The following VPS13C variants were observed in gnomAD, a reference collection of about 807,000 sequenced individuals.
VPS13C encodes the protein intermembrane lipid transfer protein VPS13C.
In VPS13C, 358 loss-of-function variants were observed where a neutral mutation model predicts 456.8. The ratio of observed to expected loss-of-function variants is 0.78; its 90% CI spans 0.72 to 0.86. VPS13C has a LOEUF of 0.86. Among genes scored for constraint, VPS13C ranks in the 40% least tolerant of loss-of-function variants. VPS13C has a pLI of 0.00. For synonymous variants in VPS13C, 1,578 were observed against 1,486.7 expected, an observed-to-expected ratio of 1.06 and a Z score of -1.41; for missense variants, 4,818 against 4,385.4, an observed-to-expected ratio of 1.10 and a Z score of -2.79.
chr15:61,863,613 T>A, intron 81 of VPS13C, 85 bp from the exon 82 acceptor site: 1 of 809,632 alleles, frequency 1.2e-6, no homozygotes. Flanking sequence ...ATTATAATAA[T>A]AGTGTTAGGA....
intron 2 of VPS13C, among the ~76,000 whole-genome samples, chr15:62,043,252 T>C (rs987374361): frequency 2.6e-5 from 4 of 152,218 alleles, no homozygotes; most frequent in Non-Finnish European, 5.9e-5. Context: ...AGATATTATA[T>C]TGTTTTATAA....
Position 61,991,674 on chromosome 15 carries a change from T to G in VPS13C, c.1482A>C (p.Glu494Asp). 6.2e-7 allele frequency: 1 copy of G among 1,611,332 alleles called. No individual in the cohort carries two copies. Among genetic ancestry groups the G allele is most frequent in the Non-Finnish European group, 8.5e-7 (1 of 1,178,756 alleles). The change falls in exon 17 of 85, where the codon GAA becomes GAC. Residue 494 changes from glutamate to aspartate, a missense_variant and splice_region_variant. This residue lies in a region of VPS13C where 4,552 missense variants were observed against 4,130.6 expected (regional missense o/e 1.10). Transcript: ENST00000644861. ...TAAGTTATTTGACTTGGAACTTACT[T>G]TCAGGAATCAATGATTCTTCGTCCT... is the stretch of plus-strand genomic sequence containing the variant. ...KKKDEESLIP[E>D]TIDDLMTPEE...
At chr15:61,958,743 AC>A (rs1241654542) in intron 36 of VPS13C, 27 bp from the exon 37 acceptor site, 13 of 1,224,592 alleles carry the variant, frequency 1.1e-5, no homozygotes, top group Non-Finnish European at 1.4e-5. Flanking sequence ...TAAAAAAAAA[AC>A]TATATTACGT....
intron 47 of VPS13C, 78 bp downstream of exon 47, chr15:61,940,569 A>C: frequency 1.4e-6 from 2 of 1,384,324 alleles, no homozygotes; most frequent in Non-Finnish European, 1.9e-6. Flanking sequence ...CTACATTCTG[A>C]TATCCACTAG....
chr15:61,932,706 G>T (rs1329644129), intron 49 of VPS13C, among the ~76,000 whole-genome samples: 1 of 152,142 alleles, frequency 6.6e-6, no homozygotes, highest in African/African-American at 2.4e-5. Flanking sequence ...ATGCAATTGG[G>T]TCAGAATGAC....
At chr15:62,046,113 G>C (rs1167902501) in intron 1 of VPS13C, among the ~76,000 whole-genome samples, 1 of 152,062 alleles carries the variant, frequency 6.6e-6, no homozygotes, top group Non-Finnish European at 1.5e-5. Context: ...TATAATAAAG[G>C]AAGAAAAGGA....
In VPS13C at chr15:62,010,469, T is replaced by C. The variant is rs771991854; in HGVS notation, c.1011+3A>G. The stretch of plus-strand genomic sequence containing the variant: ...AAGCTGGAAATATCCACATGAATCA[T>C]ACCTGAGGTTTGGTCAGTTCAATGG... On this transcript the variant is annotated splice_donor_region_variant and intron_variant, in intron 13 of 84. Coordinates refer to ENST00000644861, the MANE Select transcript of VPS13C (RefSeq NM_020821.3). 1 of 1,600,870 alleles carries C rather than the reference T, an allele frequency of 6.2e-7. No individual in the cohort carries two copies. Among genetic ancestry groups the C allele is most frequent in the Non-Finnish European group, 8.5e-7 (1 of 1,174,864 alleles).
rs750062884 is a variant in VPS13C, at chr15:61,931,118, T to C, written c.6010A>G (p.Arg2004Gly). 8.7e-6 allele frequency: 14 copies of C among 1,613,960 alleles called. No individual in the cohort carries two copies. Among genetic ancestry groups the C allele is most frequent in the Non-Finnish European group, 1.2e-5 (14 of 1,179,874 alleles). ...GATGTTGCTCTCTCAATTCCTTCTCTGAGATCATCAAGGGTGCATGTCTTA... is the reference window on the plus strand; with the variant it reads ...GATGTTGCTCTCTCAATTCCTTCTCCGAGATCATCAAGGGTGCATGTCTTA... ...KLKTCTLDDL[R>G]EGIERATSRM... Residue 2004 changes from arginine to glycine, a missense_variant, in exon 50 of 85, where the codon AGA (arginine) becomes GGA (glycine). Physicochemically the swap from Arg to Gly is moderately radical, Grantham distance 125. Around this residue, in one of 3 missense-constraint regions of VPS13C, gnomAD observed 4,552 missense variants for 4,130.6 expected, o/e 1.10. Transcript: ENST00000644861.
Position 61,867,656 on chromosome 15 carries a change from A to G in VPS13C, c.10863+1003T>C. Reference sequence around the variant, plus strand: ...AACAGTATCTGCTTCTGAGCTCAATAAAGGCTTTCATCTATTAAACGCAGA... The same window carrying G: ...AACAGTATCTGCTTCTGAGCTCAATGAAGGCTTTCATCTATTAAACGCAGA... On this transcript the variant is annotated intron_variant, in intron 81 of 84. Transcript: ENST00000644861. This position sits in a 1 kb window ranked among gnomAD's most constrained non-coding sequence, Gnocchi z 5.0. 8.1e-7 allele frequency: 1 copy of G among 1,229,588 alleles called. No individual in the cohort carries two copies. Among genetic ancestry groups the G allele is most frequent in the East Asian group, 4.2e-5 (1 of 23,920 alleles). 76.2% of individuals were successfully genotyped at this position (1,229,588 alleles called of 1,614,324 possible).
chr15:61,944,429 T>C (rs2044536860), intron 45 of VPS13C, among the ~76,000 whole-genome samples: 1 of 152,126 alleles, frequency 6.6e-6, no homozygotes, highest in Non-Finnish European at 1.5e-5. Flanking sequence ...GTGGCACATA[T>C]ACACCATGAA....
At chr15:61,952,153 T>TG (rs1217877219) in intron 38 of VPS13C, among the ~76,000 whole-genome samples, 173 bp from the exon 39 acceptor site, 1 of 152,210 alleles carries the variant, frequency 6.6e-6, no homozygotes, top group Non-Finnish European at 1.5e-5. Context: ...CCTAGTCTGA[T>TG]GGACAGCCTT....
At chr15:61,993,207 T>C (rs2046279687) in intron 16 of VPS13C, among the ~76,000 whole-genome samples, 2 of 152,126 alleles carry the variant, frequency 1.3e-5, no homozygotes, top group South Asian at 4.1e-4. Context: ...CAGAAAAAGC[T>C]AAAAAGCATT....
intron 24 of VPS13C, 23 bp from the exon 25 acceptor site, chr15:61,974,440 T>C: frequency 6.2e-7 from 1 of 1,608,480 alleles, no homozygotes; most frequent in Non-Finnish European, 8.5e-7. Context: ...TTCAGTGGTT[T>C]TAAGTCAGCA....
chr15:61,962,630 T>A (rs918994471), intron 33 of VPS13C, 92 bp from the exon 34 acceptor site: 5 of 1,363,028 alleles, frequency 3.7e-6, no homozygotes, highest in Middle Eastern at 2.2e-4. Flanking sequence ...ATAATCTTTA[T>A]AAAAAAATTT....
rs760304631 is a variant in VPS13C at position 61,950,384 on chromosome 15, G to A, written c.4570C>T (p.His1524Tyr). 1.2e-6 allele frequency: 2 copies of A among 1,612,304 alleles called. No homozygotes were observed. The highest frequency in any genetic ancestry group is 2.2e-5 in the South Asian group (2 of 90,900). The change falls in exon 41 of 85, where the codon CAT (histidine) becomes TAT (tyrosine). Residue 1524 changes from histidine (H) to tyrosine (Y), a missense_variant. His to Tyr is a moderately conservative substitution (Grantham distance 83). Transcript: ENST00000644861. ...DSDGPEFKTI[H>Y]DSTKQRLKVS... ...TTCAGTCTCTGTTTGGTACTGTCAT[G>A]AATAGTTTTAAATTCTGGTCCATCA...
At chr15:62,027,885 C>T (rs2047689799) in intron 6 of VPS13C, among the ~76,000 whole-genome samples, 1 of 151,988 alleles carries the variant, frequency 6.6e-6, no homozygotes, top group Non-Finnish European at 1.5e-5. Flanking sequence ...TCCAGAGCTA[C>T]AACAGAGGTG....
chr15:61,994,733 G>A (rs1165169823), intron 16 of VPS13C, among the ~76,000 whole-genome samples: 1 of 151,904 alleles, frequency 6.6e-6, no homozygotes, highest in Non-Finnish European at 1.5e-5. Context: ...GAGATTACAT[G>A]TGTGTGCCAC....
In VPS13C at chr15:61,881,812, G is replaced by C; in HGVS notation, c.9641C>G (p.Pro3214Arg). ...LYWLQVDNQL[P>R]GAMFPVVFHP... Reference sequence around the variant, plus strand: ...AAATACAACAGGGAACATTGCACCTGGTAACTGATTATCAACCTGAAAGAA... The same window carrying C: ...AAATACAACAGGGAACATTGCACCTCGTAACTGATTATCAACCTGAAAGAA... The change falls in exon 70 of 85, where the codon CCA becomes CGA. Residue 3214 changes from proline to arginine, a missense_variant. Physicochemically the swap from Pro to Arg is moderately radical, Grantham distance 103. Around this residue, in one of 3 missense-constraint regions of VPS13C, gnomAD observed 4,552 missense variants for 4,130.6 expected, o/e 1.10. Coordinates refer to ENST00000644861, the MANE Select transcript of VPS13C (RefSeq NM_020821.3). 1 of 1,593,602 alleles carries C rather than the reference G, an allele frequency of 6.3e-7. No individual in the cohort carries two copies. The highest frequency in any genetic ancestry group is 1.2e-5 in the South Asian group (1 of 86,302).
intron 41 of VPS13C, 119 bp from the exon 42 acceptor site, chr15:61,949,724 T>C: frequency 1.1e-6 from 1 of 928,292 alleles, no homozygotes. Flanking sequence ...AAAATTTTTA[T>C]TTTTTTAAGA....
Sources: gnomAD v4.1 joint callset for allele counts (sites outside exome capture counted in the v4.1 genomes callset) on GRCh38, gnomAD v4.1.1 for gene constraint, gnomAD v4.1.1 regional missense constraint, Gnocchi (gnomAD v3.1) non-coding constraint, MANE v1.5 for transcripts, NCBI Gene and HGNC (gene_info 2026-07-23, HGNC 2026-07-21) for gene names.